Variants in COL4A4 observed in about 807,000 individuals in gnomAD.
COL4A4 encodes collagen alpha-4(IV) chain.
Under a neutral mutation model 192.9 loss-of-function variants are expected in COL4A4, and 105 were observed. That is an observed-to-expected ratio of 0.54 (90% CI 0.46 to 0.64). The LOEUF (loss-of-function observed/expected upper bound fraction) is 0.64. COL4A4 is among the 30% of genes least tolerant of loss of function. COL4A4 has a pLI of 0.00. For synonymous variants in COL4A4, 762 were observed against 769.9 expected, an observed-to-expected ratio of 0.99 and a Z score of 0.17; for missense variants, 1,967 against 2,169.3, an observed-to-expected ratio of 0.91 and a Z score of 1.85.
chr2:227,091,184 C>T (rs2059900360), intron 20 of COL4A4, among the ~76,000 whole-genome samples: 1 of 151,588 alleles, frequency 6.6e-6, no homozygotes, highest in Non-Finnish European at 1.5e-5. Flanking sequence ...AGTATTGCAT[C>T]CCTGAAACAT....
intron 17 of COL4A4, among the ~76,000 whole-genome samples, chr2:227,101,019 A>G (rs1032983652): frequency 1.3e-5 from 2 of 152,140 alleles, no homozygotes; most frequent in Admixed American, 1.3e-4. Flanking sequence ...TGTGTTAGCC[A>G]GGATGGTCTC....
chr2:226,989,711 G>A, the COL4A4 span, among the ~76,000 whole-genome samples: 4 of 152,096 alleles, frequency 2.6e-5, no homozygotes, highest in Admixed American at 6.5e-5. Context: ...TAGCTTACTC[G>A]ATTGTTAACT....
intron 37 of COL4A4, among the ~76,000 whole-genome samples, chr2:227,038,931 T>C (rs1970250940): frequency 6.6e-6 from 1 of 152,224 alleles, no homozygotes; most frequent in Non-Finnish European, 1.5e-5. Context: ...TTTTGTGTTG[T>C]GGTTTTTAAA....
chr2:227,030,916 AGATGGATGGATGGATGGATG>A (rs10689496), intron 40 of COL4A4, among the ~76,000 whole-genome samples: 11 of 145,900 alleles, frequency 7.5e-5, no homozygotes, highest in African/African-American at 2.5e-4. Flanking sequence ...TGCTTTAATA[AGATGGATGGATGGATGGATG>A]GATGGATGGA....
In COL4A4 at chr2:227,077,999, C is replaced by T; in HGVS notation, c.1882G>A (p.Gly628Arg). The change falls in exon 25 of 48, where the codon GGG becomes AGG. Residue 628 changes from glycine to arginine, a missense_variant. Physicochemically the swap from Gly to Arg is moderately radical, Grantham distance 125 (BLOSUM62 -2). Transcript: ENST00000396625. ...LGPPGKAGPV[G>R]PPGLGFPGPP... is the part of the protein sequence containing the mutation. ...CCAGGAAATCCCAGTCCTGGGGGCC[C>T]CACAGGTCCTGCTTTGCCTGGGGGG... 6.2e-7 allele frequency: 1 copy of T among 1,613,924 alleles called. No individual in the cohort carries two copies. Among genetic ancestry groups the T allele is most frequent in the Non-Finnish European group, 8.5e-7 (1 of 1,179,994 alleles).
the COL4A4 span, among the ~76,000 whole-genome samples, chr2:226,969,356 C>T: frequency 6.9e-6 from 1 of 145,944 alleles, no homozygotes; most frequent in African/African-American, 2.5e-5. Context: ...TGTCACAAAG[C>T]AGCAATAGCC....
At chr2:226,983,063 C>T in the COL4A4 span, among the ~76,000 whole-genome samples, 1 of 152,212 alleles carries the variant, frequency 6.6e-6, no homozygotes, top group African/African-American at 2.4e-5. Flanking sequence ...AAACCAAATG[C>T]CATGCTAGTG....
chr2:227,119,664 A>G (rs1205958868), intron 6 of COL4A4, among the ~76,000 whole-genome samples: 2 of 148,736 alleles, frequency 1.3e-5, no homozygotes, highest in East Asian at 3.9e-4. Context: ...AATGTATTCT[A>G]TATCTTGTAT....
chr2:226,980,319 C>T, the COL4A4 span, among the ~76,000 whole-genome samples: 1 of 152,142 alleles, frequency 6.6e-6, no homozygotes, highest in Admixed American at 6.5e-5. Flanking sequence ...CGTTCCCCAC[C>T]AGAGCGAGGT....
At chr2:227,071,916 T>C (rs1246233050) in intron 25 of COL4A4, among the ~76,000 whole-genome samples, 1 of 152,046 alleles carries the variant, frequency 6.6e-6, no homozygotes, top group South Asian at 2.1e-4. Context: ...AGAGGAAAGC[T>C]TATAGTGCTA....
intron 42 of COL4A4, among the ~76,000 whole-genome samples, chr2:227,027,266 GA>G (rs1364859324): frequency 5.1e-4 from 73 of 142,122 alleles, no homozygotes; most frequent in Admixed American, 1.5e-3. Context: ...AAAAAAAATA[GA>G]AAAAAAAATG....
At chr2:226,988,316 A>G in the COL4A4 span, 1 of 1,547,490 alleles carries the variant, frequency 6.5e-7, no homozygotes, top group Non-Finnish European at 8.7e-7. Flanking sequence ...ACTGTGCCCC[A>G]CCTGAACATC....
intron 30 of COL4A4, among the ~76,000 whole-genome samples, chr2:227,055,492 C>T (rs1227400451): frequency 1.3e-5 from 2 of 151,770 alleles, no homozygotes; most frequent in Admixed American, 6.6e-5. Context: ...AAGCCTCTGT[C>T]TCCTAAAAAA....
At chr2:226,972,643 A>G in the COL4A4 span, among the ~76,000 whole-genome samples, 2 of 152,202 alleles carry the variant, frequency 1.3e-5, no homozygotes, top group African/African-American at 2.4e-5. Flanking sequence ...CCCTCCATCT[A>G]TGAAATTTTT....
At chr2:226,974,616 A>C in the COL4A4 span, among the ~76,000 whole-genome samples, 2 of 152,200 alleles carry the variant, frequency 1.3e-5, no homozygotes, top group East Asian at 3.8e-4. Flanking sequence ...AGGATGTACA[A>C]AAGAGACATC....
chr2:227,062,319 T>C (rs1048517884), intron 26 of COL4A4, among the ~76,000 whole-genome samples: 1 of 152,114 alleles, frequency 6.6e-6, no homozygotes. Context: ...GTACAAAGAT[T>C]TGAAAAGCCC....
rs543370741 is a variant in COL4A4 at position 227,146,623 on chromosome 2, G to C, written c.71+790C>G. ...GTTCTGGAGGTCAGAAGTCTGAAAT[G>C]GGTCTGACTGCCAAGAACCAAGGTG... On this transcript the variant is annotated intron_variant, in intron 2 of 47. Coordinates refer to ENST00000396625, the MANE Select transcript of COL4A4 (RefSeq NM_000092.5). Among the ~76,000 whole-genome samples, 3 of 152,230 alleles carry C rather than the reference G, an allele frequency of 2.0e-5. No individual in the cohort carries two copies. In the South Asian group the frequency reaches 6.2e-4, roughly 32 times the overall value.
chr2:226,979,258 C>CTAAAAACTA, the COL4A4 span, among the ~76,000 whole-genome samples: 1 of 152,128 alleles, frequency 6.6e-6, no homozygotes, highest in African/African-American at 2.4e-5. Context: ...CTCAGTTCAG[C>CTAAAAACTA]TAAAAACTAG....
rs1167307781 is a variant in COL4A4, at chr2:227,055,813, G to T, written c.2716+132C>A. 6.5e-6 allele frequency: 5 copies of T among 772,598 alleles called. No individual in the cohort carries two copies. In the African/African-American group the frequency reaches 8.7e-5, roughly 13 times the overall value. The allele number at this position is 772,598 out of a possible 1,614,324, so 47.9% of individuals were successfully genotyped here. On this transcript the variant is annotated intron_variant, in intron 30 of 47. Transcript: ENST00000396625. ...CGATACAGAGGACAAGAGCAAGGGA[G>T]GCATCATTAAGGGAAGGACAAAGCC...
Sources: allele counts gnomAD v4.1 joint callset (sites outside exome capture counted in the v4.1 genomes callset), GRCh38; gene constraint gnomAD v4.1.1; transcripts MANE v1.5; gene names NCBI Gene and HGNC (gene_info 2026-07-23, HGNC 2026-07-21).